ZFYVE9: variants seen among roughly 807,000 people sequenced by gnomAD.
ZFYVE9 encodes zinc finger FYVE-type containing 9, also known as zinc finger FYVE domain-containing protein 9.
In ZFYVE9, 43 loss-of-function variants were observed where a neutral mutation model predicts 126.7. That is an observed-to-expected ratio of 0.34 (90% CI 0.27 to 0.44). ZFYVE9 has a LOEUF of 0.44. Ranked by LOEUF, ZFYVE9 falls within the 20% of genes least tolerant of loss-of-function variation. The pLI, the probability that ZFYVE9 is intolerant of heterozygous loss-of-function variation, is 1.00. For missense variants in ZFYVE9, 1,476 were observed against 1,697.0 expected (o/e 0.87, Z 2.29); for synonymous variants, 521 against 597.4 (o/e 0.87, Z 1.87).
At chr1:52,197,781 G>T (rs1024903500) in intron 1 of ZFYVE9, among the ~76,000 whole-genome samples, 2 of 152,188 alleles carry the variant, frequency 1.3e-5, no homozygotes, top group Non-Finnish European at 2.9e-5. Flanking sequence ...AACAAGAATG[G>T]TGGGGAAGCC....
intron 1 of ZFYVE9, among the ~76,000 whole-genome samples, chr1:52,184,393 ATTTTTT>A (rs57242903): frequency 5.2e-5 from 6 of 115,072 alleles, no homozygotes; most frequent in African/African-American, 2.1e-4. Flanking sequence ...AGTCCAGCTA[ATTTTTT>A]TTTTTTTTTT....
At chr1:52,303,374 C>A (rs1646053285) in intron 12 of ZFYVE9, among the ~76,000 whole-genome samples, 1 of 152,110 alleles carries the variant, frequency 6.6e-6, no homozygotes, top group African/African-American at 2.4e-5. Flanking sequence ...TTGTTTCACC[C>A]ATACTGGATA....
intron 4 of ZFYVE9, chr1:52,253,945 C>A (rs970128095): frequency 1.1e-6 from 1 of 905,520 alleles, no homozygotes; most frequent in Non-Finnish European, 1.9e-6. Flanking sequence ...TCAAGAAATT[C>A]GGCAACTTGA....
At chr1:52,344,654 C>T (rs1235406471) in intron 17 of ZFYVE9, 114 bp from the exon 18 acceptor site, 4 of 1,140,052 alleles carry the variant, frequency 3.5e-6, no homozygotes, top group Non-Finnish European at 5.0e-6. Context: ...TGTCCTGTTC[C>T]TGTCATGTCT....
chr1:52,333,231 C>T (rs111803171), intron 14 of ZFYVE9, among the ~76,000 whole-genome samples: 1,896 of 149,560 alleles, frequency 0.013, 26 homozygotes, highest in African/African-American at 0.042. Context: ...CATGTGTATA[C>T]GTATGTAACA....
Position 52,337,855 on chromosome 1 carries a change from TG to T in ZFYVE9, c.3755del (p.Cys1252LeufsTer29). The T allele has an allele frequency of 6.2e-7, 1 of 1,614,236 alleles. No individual in the cohort carries two copies. Among genetic ancestry groups the T allele is most frequent in the East Asian group, 2.2e-5 (1 of 44,886 alleles). ...LREMKDFTIT[C>X]GKADAEEPQE... is the part of the protein sequence containing the mutation. ...AGAGATGAAGGACTTCACCATCACC[TG>T]TGGGAAGGCGGACGCGGAGGAACCC... On this transcript the variant is annotated frameshift_variant, in exon 16 of 19. Coordinates refer to ENST00000287727, the MANE Select transcript of ZFYVE9 (RefSeq NM_004799.4). LOFTEE classifies it high-confidence loss of function.
At position 52,346,100 on chromosome 1, in the gene ZFYVE9, C is replaced by G. The variant is rs1216730359; in HGVS notation, c.4157C>G (p.Ser1386Trp). The change falls in exon 19 of 19, where the codon TCG (serine) becomes TGG (tryptophan). Residue 1386 changes from serine (S) to tryptophan (W), a missense_variant. By Grantham distance (177) the Ser-to-Trp change is radical. Transcript: ENST00000287727. Reference protein sequence around the residue: ...QAGSNGQPLPSQYMNDLDSAL... With the variant: ...QAGSNGQPLPWQYMNDLDSAL... ...GGGAGCAATGGCCAGCCCCTTCCCT[C>G]GCAGTACATGAATGATCTGGACAGC... is the stretch of plus-strand genomic sequence containing the variant. 4 of 1,610,802 alleles carry G rather than the reference C, an allele frequency of 2.5e-6. No individual in the cohort carries two copies. The highest frequency in any genetic ancestry group is 3.4e-6 in the Non-Finnish European group (4 of 1,177,758).
intron 1 of ZFYVE9, among the ~76,000 whole-genome samples, chr1:52,175,555 T>C (rs993018012): frequency 2.6e-5 from 4 of 151,000 alleles, no homozygotes; most frequent in Non-Finnish European, 4.4e-5. Context: ...TTGGCCTGCC[T>C]TGCTAGATTG....
intron 1 of ZFYVE9, among the ~76,000 whole-genome samples, chr1:52,192,139 A>G (rs757673341): frequency 1.3e-5 from 2 of 152,172 alleles, no homozygotes; most frequent in Non-Finnish European, 1.5e-5. Context: ...TCAGGGTGTA[A>G]TCTTAGAGGA....
chr1:52,226,323 G>T (rs1357854978), intron 2 of ZFYVE9, among the ~76,000 whole-genome samples: 1 of 152,062 alleles, frequency 6.6e-6, no homozygotes, highest in African/African-American at 2.4e-5. Flanking sequence ...ACTGCTCTTT[G>T]TTAGAAAATG....
intron 1 of ZFYVE9, among the ~76,000 whole-genome samples, chr1:52,214,301 C>A (rs1192699488): frequency 6.6e-6 from 1 of 152,122 alleles, no homozygotes; most frequent in African/African-American, 2.4e-5. Flanking sequence ...GTGGCAGATG[C>A]CTGTAATCCC....
chr1:52,154,739 A>T (rs557832266), intron 1 of ZFYVE9, among the ~76,000 whole-genome samples: 3 of 152,168 alleles, frequency 2.0e-5, no homozygotes, highest in Non-Finnish European at 4.4e-5. Flanking sequence ...CTTTCTGCAT[A>T]AAATTCATAA....
intron 1 of ZFYVE9, among the ~76,000 whole-genome samples, chr1:52,186,702 T>C (rs1644768465): frequency 6.6e-6 from 1 of 151,986 alleles, no homozygotes; most frequent in Non-Finnish European, 1.5e-5. Context: ...AGAAACGCAA[T>C]CCCATTCACA....
chr1:52,324,121 A>G (rs532051681), intron 13 of ZFYVE9, among the ~76,000 whole-genome samples: 11 of 152,076 alleles, frequency 7.2e-5, no homozygotes, highest in African/African-American at 2.7e-4. Context: ...ATAGTGGTAC[A>G]TAGCTATAGT....
intron 7 of ZFYVE9, among the ~76,000 whole-genome samples, chr1:52,273,062 A>G (rs551925434): frequency 5.9e-5 from 9 of 152,174 alleles, no homozygotes; most frequent in African/African-American, 1.9e-4. Context: ...GGCGGAGTGC[A>G]ATGGTGCGAT....
chr1:52,283,796 G>T (rs1645827823), intron 10 of ZFYVE9, among the ~76,000 whole-genome samples: 1 of 151,832 alleles, frequency 6.6e-6, no homozygotes, highest in Non-Finnish European at 1.5e-5. Flanking sequence ...TGGTTATGTG[G>T]GTGTTTGCCA....
At chr1:52,299,051 G>A (rs1022549961) in intron 12 of ZFYVE9, among the ~76,000 whole-genome samples, 28 of 151,840 alleles carry the variant, frequency 1.8e-4, no homozygotes, top group Admixed American at 1.2e-3. Context: ...CTCATGATCC[G>A]CCCGCCTCTG....
intron 1 of ZFYVE9, among the ~76,000 whole-genome samples, chr1:52,174,279 A>G (rs1233900988): frequency 6.6e-6 from 1 of 151,894 alleles, no homozygotes; most frequent in East Asian, 1.9e-4. Context: ...GTCATTCAGG[A>G]GCAGGTTGTT....
Position 52,263,755 on chromosome 1 carries a change from C to CA in ZFYVE9, c.2179-18_2179-17insA. 1 of 418,958 alleles carries CA rather than the reference C, an allele frequency of 2.4e-6. No individual in the cohort carries two copies. The highest frequency in any genetic ancestry group is 3.7e-6 in the Non-Finnish European group (1 of 266,928). 26.0% of individuals were successfully genotyped at this position (418,958 alleles called of 1,614,324 possible). Reference sequence around the variant, plus strand: ...CCCAAGTAAATTTTGTGTGTTCTTCCCCCCCCCCCCCCCACAGGTTTTCTG... The same window carrying CA: ...CCCAAGTAAATTTTGTGTGTTCTTCCACCCCCCCCCCCCCACAGGTTTTCTG... On this transcript the variant is annotated splice_polypyrimidine_tract_variant and intron_variant, in intron 4 of 18. Transcript: ENST00000287727.
Sources: allele counts gnomAD v4.1 joint callset (sites outside exome capture counted in the v4.1 genomes callset), GRCh38; gene constraint gnomAD v4.1.1; transcripts MANE v1.5; gene names NCBI Gene and HGNC (gene_info 2026-07-23, HGNC 2026-07-21).